DEFB1: variants seen among roughly 807,000 people sequenced by gnomAD.
DEFB1 encodes defensin beta 1.
A neutral mutation model predicts 2.6 loss-of-function variants in DEFB1; 4 were observed. The ratio of observed to expected loss-of-function variants is 1.53; its 90% confidence interval spans 0.76 to 3.51. The LOEUF (loss-of-function observed/expected upper bound fraction) is 3.51. DEFB1 is among the 30% of genes most tolerant of loss of function. The pLI is 0.01. For synonymous variants in DEFB1, 56 were observed against 28.5 expected, an observed-to-expected ratio of 1.96 and a Z score of -3.07; for missense variants, 162 against 76.9, an observed-to-expected ratio of 2.11 and a Z score of -4.14.
chr8:6,870,755 G>A lies in DEFB1; in HGVS notation c.133C>T (p.Leu45Phe). ...YNCVSSGGQCLYSACPIFTKI... is the reference protein window; with the variant it reads ...YNCVSSGGQCFYSACPIFTKI... ...GTAAAGATCGGGCAGGCAGAATAGA[G>A]ACATTGCCCTCCACTGCTGACGCAA... is the stretch of plus-strand genomic sequence containing the variant. The change falls in exon 2 of 2, where the codon CTC becomes TTC. Residue 45 changes from leucine (L) to phenylalanine (F), a missense_variant. Transcript: ENST00000297439. 1 of 1,614,252 alleles carries A rather than the reference G, an allele frequency of 6.2e-7. No homozygotes were observed. Among genetic ancestry groups the A allele is most frequent in the Non-Finnish European group, 8.5e-7 (1 of 1,180,056 alleles).
Position 6,870,682 on chromosome 8 carries a change from C to A in DEFB1, c.206G>T (p.Ter69LeuextTer8), listed in dbSNP as rs1326463713. ...TCATTTCTTCTGGTCACTCCCAGCT[C>A]ACTTGCAGCACTTGGCCTTCCCTCT... ...CYRGKAKCCK* is the reference protein window; with the variant it reads ...CYRGKAKCCKL Residue 69 changes from the stop codon to leucine (L), a stop_lost, in exon 2 of 2, where the codon TGA (stop) becomes TTA (leucine). Transcript: ENST00000297439. 6.2e-7 allele frequency: 1 copy of A among 1,613,470 alleles called. No individual in the cohort carries two copies. Among genetic ancestry groups the A allele is most frequent in the Non-Finnish European group, 8.5e-7 (1 of 1,179,928 alleles).
intron 1 of DEFB1, among the ~76,000 whole-genome samples, chr8:6,871,938 C>T (rs2977783): frequency 0.18 from 26,925 of 152,126 alleles, 2,590 homozygotes; most frequent in Admixed American, 0.24. Context: ...TACAAGAGGC[C>T]ATCGCTACCC....
intron 1 of DEFB1, among the ~76,000 whole-genome samples, chr8:6,874,571 C>G (rs1806448380): frequency 6.6e-6 from 1 of 152,130 alleles, no homozygotes; most frequent in African/African-American, 2.4e-5. Context: ...GGCACAAGGA[C>G]AGAAAAATGT....
intron 1 of DEFB1, among the ~76,000 whole-genome samples, chr8:6,871,185 TG>T (rs1383785150): frequency 6.6e-6 from 1 of 152,234 alleles, no homozygotes; most frequent in Non-Finnish European, 1.5e-5. Flanking sequence ...TTTAGAAATG[TG>T]GAAGCAGCTG....
chr8:6,874,504 C>G (rs1300001639), intron 1 of DEFB1, among the ~76,000 whole-genome samples: 1 of 152,132 alleles, frequency 6.6e-6, no homozygotes, highest in Admixed American at 6.5e-5. Context: ...AGAGGTCTTG[C>G]TTTACTGTAT....
At chr8:6,870,941 A>C (rs1215580966) in intron 1 of DEFB1, 115 bp from the exon 2 acceptor site, 5 of 1,198,562 alleles carry the variant, frequency 4.2e-6, no homozygotes, top group African/African-American at 1.5e-5. Flanking sequence ...CTTCTCTTCC[A>C]AGAAATTGGC....
chr8:6,870,785 A>G lies in DEFB1; in HGVS notation c.103T>C (p.Tyr35His), dbSNP rs1806282004. 6.2e-7 allele frequency: 1 copy of G among 1,614,224 alleles called. No individual in the cohort carries two copies. The highest frequency in any genetic ancestry group is 8.5e-7 in the Non-Finnish European group (1 of 1,180,036). ...TGCCCTCCACTGCTGACGCAATTGTAATGATCAGATCTGTGGCCAAGGCCT... is the reference window on the plus strand; with the variant it reads ...TGCCCTCCACTGCTGACGCAATTGTGATGATCAGATCTGTGGCCAAGGCCT... Reference protein sequence around the residue: ...LTGLGHRSDHYNCVSSGGQCL... With the variant: ...LTGLGHRSDHHNCVSSGGQCL... The change falls in exon 2 of 2, where the codon TAC becomes CAC. Residue 35 changes from tyrosine (Y) to histidine (H), a missense_variant. Tyr to His is a moderately conservative substitution (Grantham distance 83). Transcript: ENST00000297439.
rs1045870973 is a variant in DEFB1 at position 6,870,634 on chromosome 8, A to G, written c.*47T>C. On this transcript the variant is annotated 3_prime_UTR_variant, in exon 2 of 2. Transcript: ENST00000297439. ...TTTCCTTTATTAAAAGAATGCTTAT[A>G]AAAAGTTCATTTCACTTCTGCGTCA... is the stretch of plus-strand genomic sequence containing the variant. 3 of 1,586,612 alleles carry G rather than the reference A, an allele frequency of 1.9e-6. No individual in the cohort carries two copies. Among genetic ancestry groups the G allele is most frequent in the African/African-American group, 1.4e-5 (1 of 73,620 alleles).
intron 1 of DEFB1, among the ~76,000 whole-genome samples, chr8:6,876,108 C>G (rs1277283571): frequency 6.6e-6 from 1 of 152,218 alleles, no homozygotes; most frequent in South Asian, 2.1e-4. Context: ...TGCACACACC[C>G]CAAACTGAAA....
intron 1 of DEFB1, among the ~76,000 whole-genome samples, chr8:6,875,097 C>G (rs897797014): frequency 4.6e-5 from 7 of 151,510 alleles, no homozygotes. Flanking sequence ...CACACACACA[C>G]ACACACACAC....
intron 1 of DEFB1, among the ~76,000 whole-genome samples, chr8:6,874,187 C>T (rs1239308135): frequency 6.6e-6 from 1 of 150,772 alleles, no homozygotes; most frequent in Non-Finnish European, 1.5e-5. Context: ...TATTAGAGAA[C>T]CAACAGTAAA....
chr8:6,871,962 A>G (rs1806337250), intron 1 of DEFB1, among the ~76,000 whole-genome samples: 1 of 152,200 alleles, frequency 6.6e-6, no homozygotes, highest in Admixed American at 6.5e-5. Flanking sequence ...GAGACAGTAC[A>G]TTCTCATGTT....
In DEFB1 at chr8:6,876,854, AAAC is replaced by A. The variant is rs1214346069; in HGVS notation, c.61+940_61+942del. 7.2e-4 allele frequency among the ~76,000 whole-genome samples: 79 copies of A among 109,968 alleles called. 1 individual carries two copies. Among genetic ancestry groups the A allele is most frequent in the African/African-American group, 2.4e-3 (56 of 23,588 alleles). The allele number at this position is 109,968 out of a possible 152,430, so 72.1% of individuals were successfully genotyped here. ...ACCAAAAACCAAAAACCAAAAAAAAAAACAAAAAAACAAAATCCATTGTAGCAA... is the reference window on the plus strand; with the variant it reads ...ACCAAAAACCAAAAACCAAAAAAAAAAAAAAAACAAAATCCATTGTAGCAA... On this transcript the variant is annotated intron_variant, in intron 1 of 1. Transcript: ENST00000297439.
At chr8:6,871,328 G>A (rs985209243) in intron 1 of DEFB1, among the ~76,000 whole-genome samples, 1 of 152,014 alleles carries the variant, frequency 6.6e-6, no homozygotes, top group African/African-American at 2.4e-5. Flanking sequence ...TTTCACATCG[G>A]GCTGAAATTA....
chr8:6,873,719 C>G (rs541279341), intron 1 of DEFB1, among the ~76,000 whole-genome samples: 19 of 146,828 alleles, frequency 1.3e-4, no homozygotes, highest in African/African-American at 4.5e-4. Context: ...CTGTGGGGTA[C>G]TATGCTCATT....
chr8:6,873,539 G>A (rs2980925), intron 1 of DEFB1, among the ~76,000 whole-genome samples: 26,856 of 152,116 alleles, frequency 0.18, 2,578 homozygotes, highest in Admixed American at 0.24. Flanking sequence ...AAAGAATGAA[G>A]GTGTGTCCTT....
chr8:6,876,892 T>G (rs1010831065), intron 1 of DEFB1, among the ~76,000 whole-genome samples: 4 of 147,238 alleles, frequency 2.7e-5, no homozygotes, highest in Non-Finnish European at 6.0e-5. Flanking sequence ...ACTGGCAGCA[T>G]GAAAAGTTCT....
chr8:6,870,967 G>T, intron 1 of DEFB1, 141 bp from the exon 2 acceptor site: 2 of 955,608 alleles, frequency 2.1e-6, no homozygotes, highest in Non-Finnish European at 3.0e-6. Flanking sequence ...ATTGATCTTT[G>T]GGGCTACTCA....
chr8:6,871,645 G>T (rs1387486142), intron 1 of DEFB1, among the ~76,000 whole-genome samples: 2 of 152,160 alleles, frequency 1.3e-5, no homozygotes, highest in Non-Finnish European at 2.9e-5. Flanking sequence ...GGTGATTCAA[G>T]TTAAACACGG....
Sources: allele counts gnomAD v4.1 joint callset (sites outside exome capture counted in the v4.1 genomes callset), GRCh38; gene constraint gnomAD v4.1.1; transcripts MANE v1.5; gene names NCBI Gene and HGNC (gene_info 2026-07-23, HGNC 2026-07-21).